The following MYOM3 variants were observed in gnomAD, a reference collection of about 807,000 sequenced individuals.
The protein encoded by MYOM3 is myomesin 3, also known as myomesin-3.
Under a neutral mutation model 191.7 loss-of-function variants are expected in MYOM3, and 155 were observed. The observed-to-expected ratio is 0.81, with a 90% CI of 0.71 to 0.92. The LOEUF (loss-of-function observed/expected upper bound fraction) is 0.92. Among genes scored for constraint, MYOM3 ranks in the 40% least tolerant of loss-of-function variants. MYOM3 has a pLI of 0.00. For missense variants in MYOM3, 1,889 were observed against 1,890.6 expected, an observed-to-expected ratio of 1.00 and a Z score of 0.02; for synonymous variants, 757 against 762.9, an observed-to-expected ratio of 0.99 and a Z score of 0.13.
At chr1:24,084,361 G>A (rs1201211059) in intron 16 of MYOM3, 107 bp downstream of exon 16, 1 of 1,293,874 alleles carries the variant, frequency 7.7e-7, no homozygotes, top group Non-Finnish European at 1.1e-6. Flanking sequence ...ATAGGTCGCA[G>A]AACTGTGAGC....
chr1:24,091,024 C>A, intron 11 of MYOM3, 28 bp from the exon 12 acceptor site: 1 of 1,611,560 alleles, frequency 6.2e-7, no homozygotes, highest in Non-Finnish European at 8.5e-7. Flanking sequence ...CCCCTTTCAG[C>A]CCCTGCCCAC....
At chr1:24,100,955 G>A (rs548273150) in intron 5 of MYOM3, among the ~76,000 whole-genome samples, 11 of 151,622 alleles carry the variant, frequency 7.3e-5, no homozygotes, top group African/African-American at 1.5e-4. Flanking sequence ...AATTTGTATC[G>A]GAAACTGCTA....
intron 6 of MYOM3, among the ~76,000 whole-genome samples, chr1:24,099,292 G>A (rs905967350): frequency 4.6e-5 from 7 of 152,192 alleles, no homozygotes; most frequent in African/African-American, 1.4e-4. Flanking sequence ...GCATATGTGT[G>A]TGCACAGGTG....
In MYOM3 at chr1:24,072,025, G is replaced by C; in HGVS notation, c.2969-12C>G. The C allele has an allele frequency of 6.2e-7, 1 of 1,614,030 alleles. No individual in the cohort carries two copies. The highest frequency in any genetic ancestry group is 2.2e-5 in the East Asian group (1 of 44,868). ...CAGCTTCTCCAGCTCTGGGATAGGG[G>C]GAAGTGAGGAAGAAACCAGAGAGAA... is the stretch of plus-strand genomic sequence containing the variant. On this transcript the variant is annotated splice_polypyrimidine_tract_variant and intron_variant, in intron 23 of 36. Coordinates refer to ENST00000374434, the MANE Select transcript of MYOM3 (RefSeq NM_152372.4).
chr1:24,109,841 C>T (rs779799039), intron 1 of MYOM3, among the ~76,000 whole-genome samples: 28 of 152,228 alleles, frequency 1.8e-4, no homozygotes, highest in Admixed American at 8.5e-4. Context: ...AAGGCCAGGC[C>T]GTGGCAGAGG....
At position 24,068,284 on chromosome 1, in the gene MYOM3, G is replaced by A; in HGVS notation, c.3234C>T (p.Tyr1078=). ...QNLSEEDKGS[Y]TAQLQDGKAK... is the part of the protein sequence containing the mutation. ...CTTTTCCATCTTGGAGTTGAGCGGT[G>A]TACGACCCTTTGTCCTCCTCAGACA... The change falls in exon 26 of 37, where the codon TAC becomes TAT. Residue 1078 remains tyrosine, a synonymous_variant. Transcript: ENST00000374434. 8 of 1,614,150 alleles carry A rather than the reference G, an allele frequency of 5.0e-6. No individual in the cohort carries two copies. Among genetic ancestry groups the A allele is most frequent in the Non-Finnish European group, 6.8e-6 (8 of 1,179,998 alleles).
chr1:24,101,371 T>C (rs1643932371), intron 5 of MYOM3, among the ~76,000 whole-genome samples: 1 of 152,180 alleles, frequency 6.6e-6, no homozygotes, highest in Non-Finnish European at 1.5e-5. Context: ...CCAGGCTGCA[T>C]CCCAAATCAA....
chr1:24,071,117 C>A lies in MYOM3; in HGVS notation c.3150G>T (p.Pro1050=), dbSNP rs1366272808. The change falls in exon 25 of 37, where the codon CCG becomes CCT. Residue 1050 remains proline (P), a splice_region_variant and synonymous_variant. Coordinates refer to ENST00000374434, the MANE Select transcript of MYOM3 (RefSeq NM_152372.4). ...IFNNKEIFSS[P]NRKINFDREK... ...TCAGGGATTGTGAGCACCCAATTAC[C>A]GGCGAGCTGAAGATCTCCTTGTTGT... The A allele has an allele frequency of 6.2e-7, 1 of 1,613,442 alleles. No homozygotes were observed. Among genetic ancestry groups the A allele is most frequent in the South Asian group, 1.1e-5 (1 of 91,010 alleles).
At chr1:24,071,368 C>A in intron 24 of MYOM3, 115 bp from the exon 25 acceptor site, 1 of 1,247,608 alleles carries the variant, frequency 8.0e-7, no homozygotes, top group Non-Finnish European at 1.1e-6. Flanking sequence ...CTTTAGAGAA[C>A]CTGAAGGAGA....
chr1:24,067,845 G>T, intron 27 of MYOM3, 125 bp downstream of exon 27: 1 of 886,786 alleles, frequency 1.1e-6, no homozygotes, highest in Non-Finnish European at 1.9e-6. Context: ...GACAGAACTG[G>T]ACTGAATGAC....
chr1:24,090,900 A>G lies in MYOM3; in HGVS notation c.1329T>C (p.Tyr443=). ...TGCTGATGGCTCTCACCCGGAACCGATAGCTCTGACCTTCGACGAGGCCTT... is the reference window on the plus strand; with the variant it reads ...TGCTGATGGCTCTCACCCGGAACCGGTAGCTCTGACCTTCGACGAGGCCTT... ...PIQGLVEGQS[Y]RFRVRAISRV... Residue 443 remains tyrosine, a synonymous_variant, in exon 12 of 37, where the codon TAT becomes TAC. Transcript: ENST00000374434. The G allele has an allele frequency of 2.5e-6, 4 of 1,613,974 alleles. No individual in the cohort carries two copies. Among genetic ancestry groups the G allele is most frequent in the Non-Finnish European group, 3.4e-6 (4 of 1,179,896 alleles).
intron 35 of MYOM3, among the ~76,000 whole-genome samples, chr1:24,060,391 C>T (rs1643356107): frequency 6.6e-6 from 1 of 152,232 alleles, no homozygotes; most frequent in South Asian, 2.1e-4. Flanking sequence ...TTATCCCCTC[C>T]CACACATGGC....
At chr1:24,085,364 AGATG>A (rs1233337941) in intron 15 of MYOM3, among the ~76,000 whole-genome samples, 1 of 152,106 alleles carries the variant, frequency 6.6e-6, no homozygotes, top group East Asian at 1.9e-4. Flanking sequence ...ATGGATGGAT[AGATG>A]GATGAATAGA....
intron 21 of MYOM3, 29 bp from the exon 22 acceptor site, chr1:24,075,504 G>A (rs760847954): frequency 1.6e-5 from 25 of 1,532,542 alleles, no homozygotes; most frequent in Non-Finnish European, 1.9e-5. Flanking sequence ...AGAGGGCAGC[G>A]GATGTTTATG....
intron 15 of MYOM3, among the ~76,000 whole-genome samples, chr1:24,085,109 AATGGATGGATGG>A (rs56001006): frequency 0.059 from 8,801 of 148,006 alleles, 463 homozygotes; most frequent in East Asian, 0.3. Context: ...TGGTTGGATG[AATGGATGGATGG>A]ATGGATGGAT....
Position 24,097,886 on chromosome 1 carries a change from G to A in MYOM3, c.745+37C>T, listed in dbSNP as rs773923593. On this transcript the variant is annotated intron_variant, in intron 7 of 36. Coordinates refer to ENST00000374434, the MANE Select transcript of MYOM3 (RefSeq NM_152372.4). ...CTTGTCTGCCCAGCTTGGGTTTGCT[G>A]TGGCCCGGAGTGCCTGTTGGGGTTG... 5.1e-6 allele frequency: 7 copies of A among 1,376,826 alleles called. No individual in the cohort carries two copies. The South Asian group carries it at 8.1e-5, about 16-fold the overall frequency. 85.3% of individuals were successfully genotyped at this position (1,376,826 alleles called of 1,614,324 possible). A position where few individuals can be genotyped will look rare whatever the true frequency, so the allele number is the denominator to read the frequency against.
intron 12 of MYOM3, 27 bp downstream of exon 12, chr1:24,090,770 A>G (rs1292856499): frequency 6.2e-7 from 1 of 1,611,130 alleles, no homozygotes. Flanking sequence ...GATGTTCTAG[A>G]AAGTCGCTTA....
chr1:24,093,749 C>A (rs147466105), intron 9 of MYOM3, among the ~76,000 whole-genome samples: 1 of 152,144 alleles, frequency 6.6e-6, no homozygotes, highest in East Asian at 1.9e-4. Flanking sequence ...AAGATCTACA[C>A]GTTTGGGAAG....
At position 24,107,232 on chromosome 1, in the gene MYOM3, C is replaced by T. The variant is rs757927106; in HGVS notation, c.243G>A (p.Trp81Ter). The change falls in exon 4 of 37, where the codon TGG becomes TGA. Residue 81 changes from tryptophan to a stop codon, truncating the protein, a stop_gained and splice_region_variant. Transcript: ENST00000374434. LOFTEE classifies it high-confidence loss of function. ...AGGTCTGGCGTCTCAGCTGGGCTTC[C>T]CTGCCGTGACAGAGGCCATCGGGGC... Reference protein sequence around the residue: ...LALTASSELSWEAQLRRQTSA... With the variant: ...LALTASSELS 2.9e-5 allele frequency: 46 copies of T among 1,594,016 alleles called. No homozygotes were observed. Among genetic ancestry groups the T allele is most frequent in the Non-Finnish European group, 3.8e-5 (45 of 1,169,880 alleles).
Sources: gnomAD v4.1 joint callset for allele counts (sites outside exome capture counted in the v4.1 genomes callset) on GRCh38, gnomAD v4.1.1 for gene constraint, MANE v1.5 for transcripts, NCBI Gene and HGNC (gene_info 2026-07-23, HGNC 2026-07-21) for gene names.